ZNF160: variants seen among roughly 807,000 people sequenced by gnomAD.
ZNF160 encodes the protein zinc finger protein 160, also known as KRAB zinc finger protein KR18.
In ZNF160, 9 loss-of-function variants were observed where a neutral mutation model predicts 13.1. The ratio of observed to expected loss-of-function variants is 0.69; its 90% CI spans 0.41 to 1.20. The LOEUF is 1.20. Among genes scored for constraint, ZNF160 ranks in the 50% most tolerant of loss-of-function variants. The pLI is 0.01. For synonymous variants in ZNF160, 293 were observed against 333.2 expected (o/e 0.88, Z 1.31); for missense variants, 838 against 988.0 (o/e 0.85, Z 2.04).
At chr19:53,074,369 C>T in intron 4 of ZNF160, 101 bp from the exon 5 acceptor site, 1 of 1,507,386 alleles carries the variant, frequency 6.6e-7, no homozygotes, top group African/African-American at 1.4e-5. Flanking sequence ...AAGAAAACTT[C>T]AAAAATTCAT....
At chr19:53,072,277 T>C (rs999206538) in intron 5 of ZNF160, among the ~76,000 whole-genome samples, 25 of 152,216 alleles carry the variant, frequency 1.6e-4, no homozygotes, top group Admixed American at 1.4e-3. Flanking sequence ...AATTTTTGTA[T>C]TTTTAGTAAA....
chr19:53,075,711 T>C (rs773483251), intron 3 of ZNF160: 6 of 518,650 alleles, frequency 1.2e-5, no homozygotes, highest in Non-Finnish European at 2.3e-5. Context: ...TGTTCATCTG[T>C]GTGCTTTGTA....
intron 1 of ZNF160, among the ~76,000 whole-genome samples, chr19:53,099,582 G>T (rs2085369893): frequency 1.3e-5 from 2 of 151,944 alleles, no homozygotes; most frequent in South Asian, 4.2e-4. Flanking sequence ...TCCAAAGATG[G>T]TCTCTCTGCC....
intron 5 of ZNF160, among the ~76,000 whole-genome samples, chr19:53,073,781 A>G (rs573947934): frequency 6.7e-6 from 1 of 148,898 alleles, no homozygotes. Flanking sequence ...AGAGTTTCCC[A>G]CTTTATTTAT....
At position 53,086,116 on chromosome 19, in the gene ZNF160, G is replaced by C. The variant is rs938213053; in HGVS notation, c.15+146C>G. On this transcript the variant is annotated intron_variant, in intron 3 of 5. Coordinates refer to ENST00000683776, the MANE Select transcript of ZNF160 (RefSeq NM_001322131.2). ...GGATCACGGGAGATGGAATCTAAAC[G>C]AGATGAGAGGGACTGAGGGAAGGCG... The C allele has an allele frequency of 9.8e-6, 13 of 1,329,772 alleles. No homozygotes were observed. The African/African-American group carries it at 1.7e-4, about 18-fold the overall frequency. The allele number at this position is 1,329,772 out of a possible 1,614,324, so 82.4% of individuals were successfully genotyped here.
chr19:53,094,890 T>TAGAG (rs1299600974), intron 1 of ZNF160, among the ~76,000 whole-genome samples: 2 of 151,760 alleles, frequency 1.3e-5, no homozygotes, highest in Non-Finnish European at 2.9e-5. Context: ...CCAAGAGGAG[T>TAGAG]AGAGAGCCCA....
At chr19:53,074,114 T>C in intron 5 of ZNF160, 26 bp downstream of exon 5, 2 of 1,611,368 alleles carry the variant, frequency 1.2e-6, no homozygotes, top group Non-Finnish European at 1.7e-6. Flanking sequence ...ATGAGTGGCC[T>C]TCTCTCTGCC....
intron 3 of ZNF160, chr19:53,085,893 T>C: frequency 1.4e-6 from 1 of 720,704 alleles, no homozygotes. Context: ...CAGGTACGTG[T>C]GCACCTGACT....
chr19:53,085,665 G>T (rs547627077), intron 3 of ZNF160: 1 of 210,786 alleles, frequency 4.7e-6, no homozygotes, highest in South Asian at 9.1e-5. Context: ...CTAGTTTAAT[G>T]AATCTTGTTA....
chr19:53,098,104 A>C (rs2085303784), intron 1 of ZNF160, among the ~76,000 whole-genome samples: 1 of 152,124 alleles, frequency 6.6e-6, no homozygotes, highest in Non-Finnish European at 1.5e-5. Context: ...CTGAGCTGAG[A>C]CATCAGGGCA....
At chr19:53,082,296 T>C (rs1399493471) in intron 3 of ZNF160, among the ~76,000 whole-genome samples, 1 of 152,180 alleles carries the variant, frequency 6.6e-6, no homozygotes, top group Non-Finnish European at 1.5e-5. Context: ...TAAAAGTACG[T>C]ACCAATGTAC....
At chr19:53,095,221 C>T (rs1423878854) in intron 1 of ZNF160, 1 of 142,694 alleles carries the variant, frequency 7.0e-6, no homozygotes, top group Non-Finnish European at 1.5e-5. Flanking sequence ...CCCACACGAC[C>T]CTCTTGCACC....
intron 3 of ZNF160, among the ~76,000 whole-genome samples, chr19:53,083,620 C>G (rs2084717988): frequency 6.6e-6 from 1 of 152,218 alleles, no homozygotes; most frequent in Non-Finnish European, 1.5e-5. Flanking sequence ...TTAAACCAAG[C>G]CGGGCACAAT....
chr19:53,101,972 CCT>C (rs2085461931), intron 1 of ZNF160, among the ~76,000 whole-genome samples: 2 of 152,126 alleles, frequency 1.3e-5, no homozygotes, highest in Admixed American at 6.6e-5. Context: ...CCAGGGCGCC[CCT>C]CTTTCTTTAT....
At chr19:53,086,185 C>CA in intron 3 of ZNF160, 77 bp downstream of exon 3, 2 of 1,491,138 alleles carry the variant, frequency 1.3e-6, no homozygotes, top group Non-Finnish European at 1.8e-6. Context: ...GCTTCAGACT[C>CA]AGAGAAGATT....
At chr19:53,070,449 C>T (rs896921137) in intron 5 of ZNF160, among the ~76,000 whole-genome samples, 187 bp from the exon 6 acceptor site, 3 of 150,850 alleles carry the variant, frequency 2.0e-5, no homozygotes, top group Non-Finnish European at 4.4e-5. Context: ...CTCGCTCTGT[C>T]GCCCAGGCTG....
Position 53,075,093 on chromosome 19 carries a change from C to T in ZNF160, c.106G>A (p.Val36Met), listed in dbSNP as rs770557595. 1.5e-5 allele frequency: 25 copies of T among 1,614,190 alleles called. No homozygotes were observed. The highest frequency in any genetic ancestry group is 4.4e-5 in the South Asian group (4 of 91,086). The change falls in exon 4 of 6, where the codon GTG becomes ATG. Residue 36 changes from valine (V) to methionine (M), a missense_variant. This residue lies in a region of ZNF160 where 387 missense variants were observed against 402.3 expected (regional missense o/e 0.96). Transcript: ENST00000683776. ...AGGTTCCAGTAGTTCTCCAACATCA[C>T]GTCCCTGTATAAGATCCTCTGAGCA... ...DPAQRILYRD[V>M]MLENYWNLVS...
At chr19:53,083,253 G>A (rs1464188798) in intron 3 of ZNF160, among the ~76,000 whole-genome samples, 2 of 152,156 alleles carry the variant, frequency 1.3e-5, no homozygotes, top group African/African-American at 2.4e-5. Flanking sequence ...GCTGAGGAGT[G>A]GAGTTTAAAG....
At chr19:53,099,028 C>T (rs540306284) in intron 1 of ZNF160, among the ~76,000 whole-genome samples, 5 of 147,868 alleles carry the variant, frequency 3.4e-5, no homozygotes, top group East Asian at 2.0e-4. Flanking sequence ...CTCCTCAGCC[C>T]GACCCCAGCC....
Sources: gnomAD v4.1 joint callset for allele counts (sites outside exome capture counted in the v4.1 genomes callset) on GRCh38, gnomAD v4.1.1 for gene constraint, gnomAD v4.1.1 regional missense constraint, MANE v1.5 for transcripts, NCBI Gene and HGNC (gene_info 2026-07-23, HGNC 2026-07-21) for gene names.